The following SLC39A11 variants were observed in gnomAD, a reference collection of about 807,000 sequenced individuals.
SLC39A11 encodes the protein solute carrier family 39 member 11, also known as zinc transporter ZIP11.
Under a neutral mutation model 36.1 loss-of-function variants are expected in SLC39A11, and 33 were observed. The observed-to-expected ratio is 0.91, with a 90% confidence interval of 0.69 to 1.22. SLC39A11 has a LOEUF of 1.22. Ranked by LOEUF, SLC39A11 falls within the 50% of genes most tolerant of loss-of-function variation. The probability of loss-of-function intolerance (pLI) is 0.00; values close to 1 mark genes in which losing one functional copy is unlikely to be tolerated. For missense variants in SLC39A11, 432 were observed against 430.3 expected (o/e 1.00, Z -0.03); for synonymous variants, 166 against 170.3 (o/e 0.97, Z 0.20).
chr17:72,663,694 T>C (rs1161977355), intron 7 of SLC39A11: 1 of 152,146 alleles, frequency 6.6e-6, no homozygotes, highest in African/African-American at 2.4e-5. Flanking sequence ...TCTCCTTAGA[T>C]CATGAGTTTG....
chr17:73,047,829 G>T (rs561916082), intron 3 of SLC39A11, among the ~76,000 whole-genome samples: 1 of 150,922 alleles, frequency 6.6e-6, no homozygotes, highest in African/African-American at 2.4e-5. Context: ...TTAGCTGGGC[G>T]TGGTGGCATG....
chr17:72,719,555 G>T (rs750718394), intron 7 of SLC39A11, among the ~76,000 whole-genome samples: 2 of 152,240 alleles, frequency 1.3e-5, no homozygotes, highest in South Asian at 2.1e-4. Flanking sequence ...AGACAGAATT[G>T]CTTTCTTCCC....
Position 72,656,416 on chromosome 17 carries a change from C to G in SLC39A11, c.672-7148G>C, listed in dbSNP as rs191564061. Among the ~76,000 whole-genome samples the G allele has an allele frequency of 4.9e-4, 74 of 152,220 alleles. 1 individual carries two copies. The East Asian group carries it at 0.013, about 26-fold the overall frequency. ...GTCCCATGGCAACCTGTCACCGGAG[C>G]CTGACTGAGAGCAACAAGGCAGAGA... is the stretch of plus-strand genomic sequence containing the variant. On this transcript the variant is annotated intron_variant, in intron 7 of 9. Coordinates refer to ENST00000255559, the MANE Select transcript of SLC39A11 (RefSeq NM_139177.4).
intron 6 of SLC39A11, among the ~76,000 whole-genome samples, chr17:72,761,362 C>A (rs2344568): frequency 0.19 from 28,502 of 151,784 alleles, 3,073 homozygotes; most frequent in East Asian, 0.4. Context: ...TGATCCGCCC[C>A]CCTCGGCCTC....
At chr17:72,970,848 A>G (rs1046678698) in intron 4 of SLC39A11, among the ~76,000 whole-genome samples, 3 of 152,234 alleles carry the variant, frequency 2.0e-5, no homozygotes, top group African/African-American at 7.2e-5. Flanking sequence ...ATTTCTCCTT[A>G]GACAGCTCCT....
intron 7 of SLC39A11, among the ~76,000 whole-genome samples, chr17:72,657,795 A>C (rs767766468): frequency 3.6e-4 from 55 of 152,234 alleles, no homozygotes; most frequent in Non-Finnish European, 6.8e-4. Context: ...CCTACAAGCT[A>C]AGCAGATGTT....
At chr17:72,893,605 TC>T (rs1190903995) in intron 5 of SLC39A11, among the ~76,000 whole-genome samples, 2 of 152,154 alleles carry the variant, frequency 1.3e-5, no homozygotes, top group Non-Finnish European at 2.9e-5. Flanking sequence ...CCAATGCTCT[TC>T]CCGAGTCTGC....
At chr17:72,706,943 A>G (rs1385060189) in intron 7 of SLC39A11, among the ~76,000 whole-genome samples, 20 of 152,222 alleles carry the variant, frequency 1.3e-4, no homozygotes, top group Non-Finnish European at 5.9e-5. Flanking sequence ...GTTTAGAACC[A>G]CTGCTCTAGG....
chr17:72,863,844 A>T (rs2080168268), intron 5 of SLC39A11, among the ~76,000 whole-genome samples: 1 of 152,224 alleles, frequency 6.6e-6, no homozygotes, highest in Non-Finnish European at 1.5e-5. Context: ...AAGCTCAAGG[A>T]AGTTAATGCT....
At chr17:72,676,070 T>TCTCACACA (rs1555634314) in intron 7 of SLC39A11, among the ~76,000 whole-genome samples, 304 of 129,996 alleles carry the variant, frequency 2.3e-3, no homozygotes, top group East Asian at 7.4e-3. Context: ...TCACAATGTT[T>TCTCACACA]CACACACACA....
chr17:73,035,621 C>T (rs533331248), intron 3 of SLC39A11, among the ~76,000 whole-genome samples: 10 of 151,978 alleles, frequency 6.6e-5, no homozygotes, highest in Non-Finnish European at 1.3e-4. Flanking sequence ...AGGGTCCTTA[C>T]GAAGGAGTGA....
intron 7 of SLC39A11, among the ~76,000 whole-genome samples, chr17:72,690,663 T>G (rs941750441): frequency 6.6e-6 from 1 of 152,194 alleles, no homozygotes; most frequent in African/African-American, 2.4e-5. Context: ...ATAATGCCCT[T>G]TTGGTTCCCC....
chr17:72,648,768 G>A (rs2143826789), intron 9 of SLC39A11, 35 bp downstream of exon 9: 1 of 1,612,970 alleles, frequency 6.2e-7, no homozygotes, highest in Non-Finnish European at 8.5e-7. Context: ...GCTGGGACTG[G>A]GACAGGGACA....
intron 6 of SLC39A11, among the ~76,000 whole-genome samples, chr17:72,844,186 G>A (rs945189362): frequency 6.6e-6 from 1 of 152,190 alleles, no homozygotes; most frequent in African/African-American, 2.4e-5. Flanking sequence ...GCTCCAAACA[G>A]GCTCTTAAAA....
chr17:72,944,178 T>G (rs1351743256), intron 5 of SLC39A11, among the ~76,000 whole-genome samples: 5 of 152,212 alleles, frequency 3.3e-5, no homozygotes, highest in Non-Finnish European at 7.3e-5. Context: ...TCCCTGCCAG[T>G]TGACTTGACT....
intron 4 of SLC39A11, among the ~76,000 whole-genome samples, chr17:72,974,101 T>C (rs1009629435): frequency 2.6e-5 from 4 of 152,058 alleles, no homozygotes; most frequent in African/African-American, 9.7e-5. Flanking sequence ...TCGTGCTTAT[T>C]TTATTTTTTA....
chr17:72,684,587 G>A (rs1273275804), intron 7 of SLC39A11, among the ~76,000 whole-genome samples: 1 of 152,160 alleles, frequency 6.6e-6, no homozygotes, highest in Non-Finnish European at 1.5e-5. Flanking sequence ...CCCAGATCAA[G>A]GGACCTTAAC....
chr17:72,808,222 T>C (rs1435017074), intron 6 of SLC39A11, among the ~76,000 whole-genome samples: 1 of 152,182 alleles, frequency 6.6e-6, no homozygotes, highest in Non-Finnish European at 1.5e-5. Context: ...TCTAGGGGGA[T>C]TGGGCCTCCA....
At chr17:72,987,377 T>G (rs1348327371) in intron 4 of SLC39A11, among the ~76,000 whole-genome samples, 1 of 152,236 alleles carries the variant, frequency 6.6e-6, no homozygotes, top group Non-Finnish European at 1.5e-5. Context: ...GAAGTTTGTC[T>G]CTTATTAGGT....
Sources: gnomAD v4.1 joint callset for allele counts (sites outside exome capture counted in the v4.1 genomes callset) on GRCh38, gnomAD v4.1.1 for gene constraint, MANE v1.5 for transcripts, NCBI Gene and HGNC (gene_info 2026-07-23, HGNC 2026-07-21) for gene names.